PIP4K2A: variants seen among roughly 807,000 people sequenced by gnomAD.
PIP4K2A encodes the protein phosphatidylinositol-5-phosphate 4-kinase type 2 alpha, also known as phosphatidylinositol 5-phosphate 4-kinase type-2 alpha.
In PIP4K2A, 14 loss-of-function variants were observed where a neutral mutation model predicts 42.9. The observed-to-expected ratio is 0.33, with a 90% CI of 0.22 to 0.51. The LOEUF (loss-of-function observed/expected upper bound fraction) is 0.51, where lower values mean the gene tolerates loss of function less well. Among genes scored for constraint, PIP4K2A ranks in the 20% least tolerant of loss-of-function variants. The probability of loss-of-function intolerance (pLI) is 0.97; values close to 1 mark genes in which losing one functional copy is unlikely to be tolerated. For synonymous variants in PIP4K2A, 192 were observed against 192.2 expected (o/e 1.00, Z 0.01); for missense variants, 434 against 519.8 (o/e 0.83, Z 1.61).
At chr10:22,542,481 G>A (rs1300530488) in intron 7 of PIP4K2A, among the ~76,000 whole-genome samples, 1 of 152,206 alleles carries the variant, frequency 6.6e-6, no homozygotes, top group African/African-American at 2.4e-5. Context: ...AAAGCACCCT[G>A]GAATTCAGCA....
chr10:22,696,600 A>G (rs1839978078), intron 1 of PIP4K2A, among the ~76,000 whole-genome samples: 2 of 152,150 alleles, frequency 1.3e-5, no homozygotes, highest in Admixed American at 6.6e-5. Context: ...TAGTTTCTTA[A>G]AATAGGGCAT....
At chr10:22,567,537 C>T in intron 6 of PIP4K2A, 1 of 579,712 alleles carries the variant, frequency 1.7e-6, no homozygotes, top group South Asian at 1.7e-5. Context: ...AACGCACTCT[C>T]AGCTGTCAGT....
chr10:22,597,421 A>G (rs1483758936), intron 3 of PIP4K2A, among the ~76,000 whole-genome samples: 1 of 152,196 alleles, frequency 6.6e-6, no homozygotes, highest in Non-Finnish European at 1.5e-5. Context: ...CATCATGTCT[A>G]TTTAAATTAG....
intron 1 of PIP4K2A, among the ~76,000 whole-genome samples, chr10:22,680,575 A>ACGT (rs1554808753): frequency 9.9e-5 from 15 of 152,128 alleles, no homozygotes; most frequent in Non-Finnish European, 2.1e-4. Flanking sequence ...AGGCTAGCAT[A>ACGT]CATCCCTAGT....
intron 4 of PIP4K2A, among the ~76,000 whole-genome samples, chr10:22,588,924 T>C (rs1837454320): frequency 6.6e-6 from 1 of 152,248 alleles, no homozygotes; most frequent in African/African-American, 2.4e-5. Context: ...GAAGTCTTTA[T>C]ACTGTTAAAG....
chr10:22,619,249 C>G (rs1215058873), intron 1 of PIP4K2A, among the ~76,000 whole-genome samples: 1 of 152,084 alleles, frequency 6.6e-6, no homozygotes, highest in Non-Finnish European at 1.5e-5. Flanking sequence ...ACAACCTACC[C>G]TGCAAACCAA....
intron 1 of PIP4K2A, among the ~76,000 whole-genome samples, chr10:22,669,602 C>A (rs1839411012): frequency 6.6e-6 from 1 of 152,200 alleles, no homozygotes; most frequent in African/African-American, 2.4e-5. Context: ...TAGGGTAATG[C>A]AGCTGAGGCT....
intron 6 of PIP4K2A, among the ~76,000 whole-genome samples, chr10:22,561,126 G>C (rs1836682150): frequency 6.6e-6 from 1 of 152,184 alleles, no homozygotes; most frequent in Admixed American, 6.5e-5. Context: ...GCCATGAATG[G>C]GAGATGCCCT....
intron 7 of PIP4K2A, among the ~76,000 whole-genome samples, chr10:22,549,402 C>G (rs1836342611): frequency 1.3e-5 from 2 of 151,422 alleles, no homozygotes; most frequent in South Asian, 4.2e-4. Context: ...CCCACAAAGC[C>G]TCTCTCTAAG....
At position 22,574,444 on chromosome 10, in the gene PIP4K2A, G is replaced by GTTTTTTTTTTTTTTTTTTT. The variant is rs765734098; in HGVS notation, c.493-988_493-987insAAAAAAAAAAAAAAAAAAA. ...ATACTGCTTGAATTTTTCATTTTCTGTTTTTTTTTTTTTTTACAATGAGCA... is the reference window on the plus strand; with the variant it reads ...ATACTGCTTGAATTTTTCATTTTCTGTTTTTTTTTTTTTTTTTTTTTTTTTTTTTTTTTTACAATGAGCA... On this transcript the variant is annotated intron_variant, in intron 4 of 9. Transcript: ENST00000376573. Among the ~76,000 whole-genome samples the GTTTTTTTTTTTTTTTTTTT allele has an allele frequency of 2.8e-5, 4 of 142,350 alleles. 1 individual carries two copies. The highest frequency in any genetic ancestry group is 4.5e-5 in the Non-Finnish European group (3 of 66,036). 93.4% of individuals were successfully genotyped at this position (142,350 alleles called of 152,430 possible).
chr10:22,621,443 C>G (rs114315036), intron 1 of PIP4K2A, among the ~76,000 whole-genome samples: 3,847 of 152,252 alleles, frequency 0.025, 159 homozygotes, highest in African/African-American at 0.087. Flanking sequence ...TAATACTTCC[C>G]TGGTATCTTT....
In PIP4K2A at chr10:22,553,861, C is replaced by T. The variant is rs57975128; in HGVS notation, c.679-3089G>A. On this transcript the variant is annotated intron_variant, in intron 6 of 9. Coordinates refer to ENST00000376573, the MANE Select transcript of PIP4K2A (RefSeq NM_005028.5). ...TAAATTAAGAACAAGATAGGCTGGGCGTGGCGGCTCACACCTGCAATCTCA... is the reference window on the plus strand; with the variant it reads ...TAAATTAAGAACAAGATAGGCTGGGTGTGGCGGCTCACACCTGCAATCTCA... 2.4e-3 allele frequency among the ~76,000 whole-genome samples: 336 copies of T among 141,252 alleles called. 3 individuals carry two copies. The highest frequency in any genetic ancestry group is 8.0e-3 in the African/African-American group (299 of 37,492). The allele number at this position is 141,252 out of a possible 152,430, so 92.7% of individuals were successfully genotyped here.
intron 1 of PIP4K2A, among the ~76,000 whole-genome samples, chr10:22,621,766 A>G (rs1838335923): frequency 6.6e-6 from 1 of 152,270 alleles, no homozygotes; most frequent in African/African-American, 2.4e-5. Flanking sequence ...TGGCATGTAC[A>G]GTTCAGCATT....
rs1443556920 is a variant in PIP4K2A, at chr10:22,545,767, TGATCACA to T, written c.793-3727_793-3721del. On this transcript the variant is annotated intron_variant, in intron 7 of 9. Coordinates refer to ENST00000376573, the MANE Select transcript of PIP4K2A (RefSeq NM_005028.5). ...TTGCCCAGGCTGGAGTACAGTGGTA[TGATCACA>T]GATCACTGTAGCCTTGAACTCCTGG... 4.6e-5 allele frequency among the ~76,000 whole-genome samples: 7 copies of T among 152,286 alleles called. No individual in the cohort carries two copies. The East Asian group carries it at 9.7e-4, about 21-fold the overall frequency.
intron 1 of PIP4K2A, among the ~76,000 whole-genome samples, chr10:22,681,410 A>C (rs1303343503): frequency 6.6e-6 from 1 of 152,228 alleles, no homozygotes; most frequent in African/African-American, 2.4e-5. Context: ...ACAGTGGCTC[A>C]TGCCTGTAAT....
At chr10:22,550,321 C>T (rs540891330) in intron 7 of PIP4K2A, among the ~76,000 whole-genome samples, 7 of 152,366 alleles carry the variant, frequency 4.6e-5, no homozygotes, top group African/African-American at 1.7e-4. Context: ...GAGTCCAGTA[C>T]TCCCCTGGCC....
At chr10:22,663,831 A>C (rs1300494824) in intron 1 of PIP4K2A, among the ~76,000 whole-genome samples, 2 of 151,444 alleles carry the variant, frequency 1.3e-5, no homozygotes, top group African/African-American at 4.8e-5. Context: ...CTACACCATC[A>C]TTTAATCTCA....
At chr10:22,652,108 A>C (rs1171492) in intron 1 of PIP4K2A, among the ~76,000 whole-genome samples, 40,593 of 151,748 alleles carry the variant, frequency 0.27, 5,759 homozygotes, top group Non-Finnish European at 0.31. Context: ...AAATAACTGA[A>C]AAACTGCACA....
chr10:22,642,677 C>T (rs2130795370), intron 1 of PIP4K2A, among the ~76,000 whole-genome samples: 1 of 136,056 alleles, frequency 7.3e-6, no homozygotes, highest in South Asian at 2.5e-4. Flanking sequence ...ATTTATAGCA[C>T]ATCAAAACGA....
Sources: allele counts gnomAD v4.1 joint callset (sites outside exome capture counted in the v4.1 genomes callset), GRCh38; gene constraint gnomAD v4.1.1; transcripts MANE v1.5; gene names NCBI Gene and HGNC (gene_info 2026-07-23, HGNC 2026-07-21).